Variants in EXOC2 observed in about 807,000 individuals in gnomAD.
EXOC2 encodes the protein SEC5-like 1.
Under a neutral mutation model 131.8 loss-of-function variants are expected in EXOC2, and 70 were observed. That is an observed-to-expected ratio of 0.53 (90% confidence interval 0.44 to 0.65). EXOC2 has a LOEUF of 0.65. EXOC2 is among the 30% of genes least tolerant of loss of function. The pLI is 0.00. For synonymous variants in EXOC2, 411 were observed against 398.4 expected (o/e 1.03, Z -0.38); for missense variants, 923 against 1,108.6 (o/e 0.83, Z 2.38).
intron 1 of EXOC2, among the ~76,000 whole-genome samples, chr6:685,575 G>C (rs1484004379): frequency 6.6e-6 from 1 of 152,214 alleles, no homozygotes; most frequent in Non-Finnish European, 1.5e-5. Context: ...AGTTACATTA[G>C]CACTGCCACA....
rs1291170463 is a variant in EXOC2, at chr6:680,102, C to T, written c.-44+12917G>A. Among the ~76,000 whole-genome samples the T allele has an allele frequency of 3.3e-5, 5 of 152,122 alleles. 1 individual carries two copies. The highest frequency in any genetic ancestry group is 3.3e-4 in the Admixed American group (5 of 15,272). ...ATAAGGAACCTCCAAGTTCCCATCACCCAGCTTCAACATTCTGTGTCTTGT... is the reference window on the plus strand; with the variant it reads ...ATAAGGAACCTCCAAGTTCCCATCATCCAGCTTCAACATTCTGTGTCTTGT... On this transcript the variant is annotated intron_variant, in intron 1 of 27. Transcript: ENST00000230449.
At chr6:524,018 A>G (rs1313412903) in intron 23 of EXOC2, among the ~76,000 whole-genome samples, 1 of 152,220 alleles carries the variant, frequency 6.6e-6, no homozygotes, top group Non-Finnish European at 1.5e-5. Context: ...AAAACTGAAA[A>G]AGCCGCAAAG....
intron 1 of EXOC2, chr6:657,030 G>A (rs2127751056): frequency 9.3e-7 from 1 of 1,077,148 alleles, no homozygotes; most frequent in Non-Finnish European, 1.3e-6. Context: ...CCGTGGCGCT[G>A]CCCTCCCCGC....
chr6:621,817 T>C (rs549608328), intron 4 of EXOC2, among the ~76,000 whole-genome samples: 32 of 152,322 alleles, frequency 2.1e-4, no homozygotes, highest in Middle Eastern at 3.4e-3. Context: ...TAGAAGTTTA[T>C]TTTGGTTTGG....
chr6:531,713 T>A (rs1176022764), intron 23 of EXOC2, among the ~76,000 whole-genome samples: 3 of 152,240 alleles, frequency 2.0e-5, no homozygotes, highest in Non-Finnish European at 4.4e-5. Context: ...CACTGGTGCT[T>A]TGTTATATCT....
chr6:550,329 G>A (rs980273934), intron 21 of EXOC2, among the ~76,000 whole-genome samples: 3 of 152,192 alleles, frequency 2.0e-5, no homozygotes, highest in African/African-American at 7.2e-5. Context: ...TAACATCCTT[G>A]AATTTAGTCA....
At chr6:573,219 T>C (rs1269376805) in intron 12 of EXOC2, among the ~76,000 whole-genome samples, 1 of 152,246 alleles carries the variant, frequency 6.6e-6, no homozygotes, top group African/African-American at 2.4e-5. Flanking sequence ...GAAACCTCTT[T>C]GGCTATACAT....
At chr6:674,111 T>C (rs1311504231) in intron 1 of EXOC2, among the ~76,000 whole-genome samples, 1 of 152,154 alleles carries the variant, frequency 6.6e-6, no homozygotes, top group Non-Finnish European at 1.5e-5. Flanking sequence ...ACTAACAAAC[T>C]CTGAGCTAGA....
chr6:634,037 T>G (rs1302389890), intron 2 of EXOC2, among the ~76,000 whole-genome samples: 1 of 150,638 alleles, frequency 6.6e-6, no homozygotes, highest in African/African-American at 2.4e-5. Flanking sequence ...GAAACCAGAA[T>G]GTATGTGGCA....
At chr6:516,113 A>C (rs1179944348) in intron 23 of EXOC2, among the ~76,000 whole-genome samples, 1 of 152,020 alleles carries the variant, frequency 6.6e-6, no homozygotes, top group Non-Finnish European at 1.5e-5. Flanking sequence ...ACCCTACGCT[A>C]CTCCAGTGCA....
intron 22 of EXOC2, among the ~76,000 whole-genome samples, chr6:538,908 C>T (rs1356065806): frequency 6.6e-5 from 10 of 151,974 alleles, no homozygotes; most frequent in African/African-American, 1.4e-4. Flanking sequence ...CCTGTCTCTA[C>T]TAAAAATACG....
chr6:547,264 G>A (rs2127562628), intron 22 of EXOC2, among the ~76,000 whole-genome samples: 1 of 152,338 alleles, frequency 6.6e-6, no homozygotes, highest in East Asian at 1.9e-4. Context: ...AGGAACAGGT[G>A]AAGGGAATGA....
At chr6:594,774 C>T (rs1480188195) in intron 10 of EXOC2, among the ~76,000 whole-genome samples, 1 of 152,188 alleles carries the variant, frequency 6.6e-6, no homozygotes, top group African/African-American at 2.4e-5. Context: ...ATTCTAGACT[C>T]AGTTCAAAAG....
At chr6:643,470 T>C (rs1473899403) in intron 1 of EXOC2, among the ~76,000 whole-genome samples, 1 of 151,938 alleles carries the variant, frequency 6.6e-6, no homozygotes, top group Non-Finnish European at 1.5e-5. Flanking sequence ...ACATTCAAAG[T>C]AGAAATTAAG....
At position 489,130 on chromosome 6, in the gene EXOC2, T is replaced by TAA. The variant is rs945197814; in HGVS notation, c.2622-94_2622-93dup. 6.0e-6 allele frequency: 7 copies of TAA among 1,166,440 alleles called. No homozygotes were observed. In the African/African-American group the frequency reaches 1.1e-4, roughly 18 times the overall value. The allele number at this position is 1,166,440 out of a possible 1,614,324, so 72.3% of individuals were successfully genotyped here. On this transcript the variant is annotated intron_variant, in intron 26 of 27. Coordinates refer to ENST00000230449, the MANE Select transcript of EXOC2 (RefSeq NM_018303.6). ...CATCCCTTAATTATTGAGAAGCCAA[T>TAA]AAAAGCCAGTGAAGCAAGGAAATAT...
intron 1 of EXOC2, among the ~76,000 whole-genome samples, chr6:687,895 T>G (rs1311921405): frequency 6.6e-6 from 1 of 152,236 alleles, no homozygotes; most frequent in African/African-American, 2.4e-5. Flanking sequence ...GATTCTAGTT[T>G]TTTCTGTTTT....
At chr6:580,995 TA>T (rs1257428759) in intron 11 of EXOC2, among the ~76,000 whole-genome samples, 1 of 151,948 alleles carries the variant, frequency 6.6e-6, no homozygotes, top group Non-Finnish European at 1.5e-5. Context: ...CTAAAAGCAA[TA>T]AAAAAGTAAC....
At chr6:501,174 ATC>A (rs1427606667) in intron 23 of EXOC2, among the ~76,000 whole-genome samples, 1 of 9,846 alleles carries the variant, frequency 1.0e-4, no homozygotes, top group African/African-American at 5.7e-4. Flanking sequence ...TATTATATAT[ATC>A]TATATATTAT....
At chr6:513,240 C>T (rs372262035) in intron 23 of EXOC2, among the ~76,000 whole-genome samples, 25 of 152,248 alleles carry the variant, frequency 1.6e-4, no homozygotes, top group African/African-American at 6.0e-4. Context: ...ACGTGCCGTA[C>T]CAAGAGCACG....
Sources: gnomAD v4.1 joint callset for allele counts (sites outside exome capture counted in the v4.1 genomes callset) on GRCh38, gnomAD v4.1.1 for gene constraint, MANE v1.5 for transcripts, NCBI Gene and HGNC (gene_info 2026-07-23, HGNC 2026-07-21) for gene names.